CAST: variants seen among roughly 807,000 people sequenced by gnomAD.
CAST encodes calpastatin, also known as MIR583 host.
CAST carries 76 observed loss-of-function variants against 119.6 expected under a neutral mutation model. That is an observed-to-expected ratio of 0.64 (90% CI 0.53 to 0.77). The LOEUF is 0.77. Ranked by LOEUF, CAST falls within the 30% of genes least tolerant of loss-of-function variation. The probability of loss-of-function intolerance (pLI) is 0.00; values close to 1 mark genes in which losing one functional copy is unlikely to be tolerated. For missense variants in CAST, 953 were observed against 946.5 expected, an observed-to-expected ratio of 1.01 and a Z score of -0.09; for synonymous variants, 319 against 331.6, an observed-to-expected ratio of 0.96 and a Z score of 0.41.
chr5:96,494,844 G>A, the CAST span, among the ~76,000 whole-genome samples: 5 of 152,184 alleles, frequency 3.3e-5, no homozygotes, highest in African/African-American at 4.8e-5. Context: ...TTGGCCGGGC[G>A]CAGTAGCTCA....
chr5:96,368,508 A>G, the CAST span, among the ~76,000 whole-genome samples: 1 of 151,672 alleles, frequency 6.6e-6, no homozygotes, highest in Non-Finnish European at 1.5e-5. Context: ...TCTAAAAAAA[A>G]AAAAAAACAA....
At chr5:96,756,819 C>T (rs1047242445) in intron 22 of CAST, among the ~76,000 whole-genome samples, 6 of 152,072 alleles carry the variant, frequency 3.9e-5, no homozygotes, top group African/African-American at 1.4e-4. Flanking sequence ...TAAAGAGCCC[C>T]GCATGCTTTC....
At chr5:96,554,847 A>G (rs1746203163) in intron 1 of CAST, among the ~76,000 whole-genome samples, 1 of 152,236 alleles carries the variant, frequency 6.6e-6, no homozygotes, top group Non-Finnish European at 1.5e-5. Flanking sequence ...TCAAAACCAC[A>G]ATGAGATACC....
the CAST span, among the ~76,000 whole-genome samples, chr5:96,359,096 T>G: frequency 1.6e-4 from 25 of 152,210 alleles, no homozygotes; most frequent in Non-Finnish European, 2.9e-4. Flanking sequence ...GTAATGTTCT[T>G]CTTTGTCTTT....
intron 1 of CAST, among the ~76,000 whole-genome samples, chr5:96,557,701 A>G (rs150449840): frequency 4.6e-5 from 7 of 152,342 alleles, no homozygotes; most frequent in Middle Eastern, 3.4e-3. Context: ...CCAGATTCAT[A>G]AACCAAGTCC....
rs148022836 is a variant in CAST, at chr5:96,539,709, T to C, written c.60+9829T>C. On this transcript the variant is annotated intron_variant, in intron 1 of 11. Transcript: ENST00000505143. The stretch of plus-strand genomic sequence containing the variant: ...TTAAAAGTGAGTTTCCTTGTATCAA[T>C]AATAAATAAATAAAAAGTGAATCTA... Among the ~76,000 whole-genome samples, 23 of 152,278 alleles carry C rather than the reference T, an allele frequency of 1.5e-4. 1 individual carries two copies. The East Asian group carries it at 2.7e-3, about 18-fold the overall frequency.
the CAST span, among the ~76,000 whole-genome samples, chr5:96,479,218 A>C: frequency 2.6e-5 from 4 of 152,214 alleles, no homozygotes; most frequent in Non-Finnish European, 5.9e-5. Flanking sequence ...CTGAAAGCTC[A>C]GAGTTCAATG....
chr5:96,485,052 G>A, the CAST span, among the ~76,000 whole-genome samples: 2 of 152,124 alleles, frequency 1.3e-5, no homozygotes, highest in East Asian at 1.9e-4. Flanking sequence ...GTAATCTTGG[G>A]GTAAATGCAT....
At chr5:96,720,181 T>C (rs1757977711) in intron 3 of CAST, among the ~76,000 whole-genome samples, 1 of 152,210 alleles carries the variant, frequency 6.6e-6, no homozygotes. Context: ...TGAACTCTGG[T>C]AAAATCTTGG....
upstream of CAST, among the ~76,000 whole-genome samples, chr5:96,658,974 G>GT (rs1488500380): frequency 6.6e-6 from 1 of 152,150 alleles, no homozygotes; most frequent in Non-Finnish European, 1.5e-5. Context: ...CTTTGGCTCT[G>GT]TTTTTTATTT....
At chr5:96,653,557 C>T (rs752015425) in intron 1 of CAST, among the ~76,000 whole-genome samples, 1 of 152,106 alleles carries the variant, frequency 6.6e-6, no homozygotes, top group Non-Finnish European at 1.5e-5. Context: ...AATAAAACCT[C>T]GTAACATTGC....
At chr5:96,560,514 AAAC>A (rs1746335463) in intron 1 of CAST, among the ~76,000 whole-genome samples, 1 of 152,186 alleles carries the variant, frequency 6.6e-6, no homozygotes, top group African/African-American at 2.4e-5. Context: ...TTACAAGAAA[AAAC>A]AACCCCATCA....
the CAST span, among the ~76,000 whole-genome samples, chr5:96,371,833 A>C: frequency 5.3e-5 from 8 of 152,342 alleles, no homozygotes; most frequent in African/African-American, 1.9e-4. Context: ...AACAGAAGAA[A>C]AAAACCTTAA....
At chr5:96,760,606 C>T (rs1171070200) in intron 24 of CAST, among the ~76,000 whole-genome samples, 1 of 151,766 alleles carries the variant, frequency 6.6e-6, no homozygotes, top group Non-Finnish European at 1.5e-5. Context: ...GTGGATAGCA[C>T]TACTTGTAGA....
upstream of CAST, among the ~76,000 whole-genome samples, chr5:96,658,201 C>A (rs1005900911): frequency 1.3e-5 from 2 of 152,100 alleles, no homozygotes; most frequent in Non-Finnish European, 2.9e-5. Flanking sequence ...CACGGGAGTA[C>A]TTTGGGTTTA....
intron 1 of CAST, among the ~76,000 whole-genome samples, chr5:96,596,198 C>T (rs760020029): frequency 3.3e-5 from 5 of 152,146 alleles, no homozygotes; most frequent in Non-Finnish European, 7.3e-5. Context: ...CCTGGATTAG[C>T]CAGGTAGGCC....
chr5:96,519,638 A>C, the CAST span, among the ~76,000 whole-genome samples: 10 of 151,930 alleles, frequency 6.6e-5, no homozygotes, highest in Admixed American at 4.6e-4. Context: ...ATGGTGTCTC[A>C]CTCTGTTGTC....
chr5:96,282,303 A>G, the CAST span, among the ~76,000 whole-genome samples: 1 of 152,210 alleles, frequency 6.6e-6, no homozygotes. Flanking sequence ...TCCTGTGTCA[A>G]CTGAGAGGCA....
chr5:96,466,548 TG>T, the CAST span, among the ~76,000 whole-genome samples: 1 of 150,242 alleles, frequency 6.7e-6, no homozygotes, highest in Non-Finnish European at 1.5e-5. Flanking sequence ...TTATTCTTCC[TG>T]GGTTGTTTTT....
Sources: allele counts gnomAD v4.1 joint callset (sites outside exome capture counted in the v4.1 genomes callset), GRCh38; gene constraint gnomAD v4.1.1; transcripts MANE v1.5; gene names NCBI Gene and HGNC (gene_info 2026-07-23, HGNC 2026-07-21).